Variants in CSNK1A1 observed in about 807,000 individuals in gnomAD.
CSNK1A1 encodes casein kinase 1 alpha 1, also known as casein kinase I isoform alpha.
A neutral mutation model predicts 46.1 loss-of-function variants in CSNK1A1; 7 were observed. The observed-to-expected ratio is 0.15, with a 90% CI of 0.09 to 0.29. The LOEUF is 0.29. Ranked by LOEUF, CSNK1A1 falls within the 10% of genes least tolerant of loss-of-function variation. The probability of loss-of-function intolerance (pLI) is 1.00; values close to 1 mark genes in which losing one functional copy is unlikely to be tolerated. For synonymous variants in CSNK1A1, 137 were observed against 141.5 expected (o/e 0.97, Z 0.23); for missense variants, 96 against 417.1 (o/e 0.23, Z 6.71).
Position 149,550,403 on chromosome 5 carries a change from G to A in CSNK1A1, c.124-222C>T. 7.6e-7 allele frequency: 1 copy of A among 1,308,456 alleles called. No homozygotes were observed. The highest frequency in any genetic ancestry group is 2.0e-5 in the South Asian group (1 of 51,082). The allele number at this position is 1,308,456 out of a possible 1,614,324, so 81.1% of individuals were successfully genotyped here. A position where few individuals can be genotyped will look rare whatever the true frequency, so the allele number is the denominator to read the frequency against. ...TACGTCCTCTAAAGTGCAGGAAAAT[G>A]ATTCATCCAGAAAAAAGAGGCAACC... On this transcript the variant is annotated intron_variant, in intron 1 of 9. Transcript: ENST00000377843. This position sits in a 1 kb window ranked among gnomAD's most constrained non-coding sequence, Gnocchi z 4.3.
At chr5:149,547,864 T>TG (rs1280669846) in intron 2 of CSNK1A1, among the ~76,000 whole-genome samples, 3 of 152,024 alleles carry the variant, frequency 2.0e-5, no homozygotes, top group African/African-American at 7.2e-5. Flanking sequence ...TGTTTTTTTT[T>TG]TTGTTGTGTT....
At chr5:149,512,664 G>T (rs1434718124) in intron 5 of CSNK1A1, among the ~76,000 whole-genome samples, 2 of 152,110 alleles carry the variant, frequency 1.3e-5, no homozygotes, top group African/African-American at 4.8e-5. Context: ...CCCACTTTTG[G>T]TTTATTAGGA....
At chr5:149,514,767 C>T (rs1761347304) in intron 4 of CSNK1A1, among the ~76,000 whole-genome samples, 1 of 152,182 alleles carries the variant, frequency 6.6e-6, no homozygotes, top group Non-Finnish European at 1.5e-5. Context: ...ATACTTTGGA[C>T]AGTAAAGACA....
In CSNK1A1 at chr5:149,550,956, A is replaced by G; in HGVS notation, c.9T>C (p.Ser3=). The change falls in exon 1 of 10, where the codon AGT becomes AGC. Residue 3 remains serine (S), a synonymous_variant. Coordinates refer to ENST00000377843, the MANE Select transcript of CSNK1A1 (RefSeq NM_001892.6). The surrounding 1 kb of genome is among the most constrained non-coding windows in gnomAD (Gnocchi z 4.3). MA[S]SSGSKAEFIV... The stretch of plus-strand genomic sequence containing the variant: ...TGAATTCAGCCTTGGAGCCGCTGCT[A>G]CTCGCCATCCTGAGAGACGAAGATG... 1 of 1,613,964 alleles carries G rather than the reference A, an allele frequency of 6.2e-7. No individual in the cohort carries two copies. Among genetic ancestry groups the G allele is most frequent in the Non-Finnish European group, 8.5e-7 (1 of 1,179,968 alleles).
At chr5:149,509,025 TCAAGCATC>T (rs1189764228) in intron 7 of CSNK1A1, among the ~76,000 whole-genome samples, 1 of 152,280 alleles carries the variant, frequency 6.6e-6, no homozygotes, top group East Asian at 1.9e-4. Flanking sequence ...CCTCCTGGGC[TCAAGCATC>T]CTGCCCCAGC....
chr5:149,529,762 G>C, intron 2 of CSNK1A1: 1 of 456,106 alleles, frequency 2.2e-6, no homozygotes, highest in South Asian at 1.5e-5. Flanking sequence ...TTGTGGCTGA[G>C]ACATAATTAA....
intron 2 of CSNK1A1, among the ~76,000 whole-genome samples, chr5:149,528,676 C>T (rs138344697): frequency 1.5e-3 from 229 of 152,326 alleles, no homozygotes; most frequent in African/African-American, 4.9e-3. Context: ...TCACCTATCC[C>T]ACATTGGTCT....
At chr5:149,549,365 A>AT in intron 2 of CSNK1A1, 1 of 667,550 alleles carries the variant, frequency 1.5e-6, no homozygotes, top group Non-Finnish European at 2.8e-6. Flanking sequence ...ACTACGAAGG[A>AT]TTTTACATAG....
chr5:149,502,782 T>G (rs1377056732), intron 9 of CSNK1A1: 2 of 983,106 alleles, frequency 2.0e-6, no homozygotes, highest in African/African-American at 3.5e-5. Flanking sequence ...TTTTTTTTTT[T>G]TTTTGAGACA....
In CSNK1A1 at chr5:149,550,443, G is replaced by T; in HGVS notation, c.124-262C>A. 1.9e-6 allele frequency: 2 copies of T among 1,039,244 alleles called. No individual in the cohort carries two copies. Among genetic ancestry groups the T allele is most frequent in the East Asian group, 7.0e-5 (2 of 28,720 alleles). 64.4% of individuals were successfully genotyped at this position (1,039,244 alleles called of 1,614,324 possible). A position where few individuals can be genotyped will look rare whatever the true frequency, so the allele number is the denominator to read the frequency against. ...AAGAGGCAACCTCTGAACGTAGTGA[G>T]AGGTTTTTAAGGAACTAGGCGATCG... On this transcript the variant is annotated intron_variant, in intron 1 of 9. Coordinates refer to ENST00000377843, the MANE Select transcript of CSNK1A1 (RefSeq NM_001892.6). This position sits in a 1 kb window ranked among gnomAD's most constrained non-coding sequence, Gnocchi z 4.3.
chr5:149,498,053 C>T lies in CSNK1A1; in HGVS notation c.1007-1193G>A, dbSNP rs150601176. 163 of 900,238 alleles carry T rather than the reference C, an allele frequency of 1.8e-4. 1 individual carries two copies. In the East Asian group the frequency reaches 0.012, roughly 68 times the overall value. 55.8% of individuals were successfully genotyped at this position (900,238 alleles called of 1,614,324 possible). A position where few individuals can be genotyped will look rare whatever the true frequency, so the allele number is the denominator to read the frequency against. On this transcript the variant is annotated intron_variant, in intron 9 of 9. Transcript: ENST00000377843. ...TTCACTGTGTTGGCCAGGCTGGTCTCAAACTCCTGACCTCGTGATCCACCC... is the reference window on the plus strand; with the variant it reads ...TTCACTGTGTTGGCCAGGCTGGTCTTAAACTCCTGACCTCGTGATCCACCC...
At chr5:149,503,221 G>C in intron 9 of CSNK1A1, 1 of 985,394 alleles carries the variant, frequency 1.0e-6, no homozygotes, top group Non-Finnish European at 1.2e-6. Context: ...TAACTTGCTG[G>C]GCTGGGGGTA....
At position 149,525,035 on chromosome 5, in the gene CSNK1A1, T is replaced by C; in HGVS notation, c.357+10A>G. On this transcript the variant is annotated intron_variant, in intron 3 of 9. Transcript: ENST00000377843. This position sits in a 1 kb window ranked among gnomAD's most constrained non-coding sequence, Gnocchi z 4.2. Reference sequence around the variant, plus strand: ...GTCTCAGTTTATATTCTAATCAAAATTTCACATACCTGGTCAGCTAACATA... The same window carrying C: ...GTCTCAGTTTATATTCTAATCAAAACTTCACATACCTGGTCAGCTAACATA... 6.2e-7 allele frequency: 1 copy of C among 1,602,758 alleles called. No homozygotes were observed. Among genetic ancestry groups the C allele is most frequent in the Non-Finnish European group, 8.5e-7 (1 of 1,175,790 alleles).
chr5:149,510,409 A>G (rs1349021645), intron 6 of CSNK1A1, among the ~76,000 whole-genome samples: 1 of 151,934 alleles, frequency 6.6e-6, no homozygotes, highest in African/African-American at 2.4e-5. Flanking sequence ...AGCTGGGACT[A>G]CAGGTGTGCA....
intron 3 of CSNK1A1, among the ~76,000 whole-genome samples, chr5:149,523,297 C>T (rs1272437359): frequency 6.6e-6 from 1 of 152,112 alleles, no homozygotes; most frequent in African/African-American, 2.4e-5. Context: ...GCCTTGGCCT[C>T]TCAAAAGTGC....
intron 9 of CSNK1A1, 146 bp from the exon 10 acceptor site, chr5:149,497,006 C>G: frequency 2.8e-6 from 4 of 1,433,738 alleles, no homozygotes; most frequent in Non-Finnish European, 3.6e-6. Context: ...ATTAGCTCAA[C>G]TTTTTAAAAC....
At chr5:149,502,539 G>GGGT (rs1760903019) in intron 9 of CSNK1A1, 1 of 157,086 alleles carries the variant, frequency 6.4e-6, no homozygotes, top group African/African-American at 3.5e-5. Flanking sequence ...GGGGGTTGGG[G>GGGT]ACGATGTTGG....
At chr5:149,544,737 T>TATATATATATATATATATATATATATA (rs1554118044) in intron 2 of CSNK1A1, among the ~76,000 whole-genome samples, 8 of 80,808 alleles carry the variant, frequency 9.9e-5, no homozygotes, top group African/African-American at 3.9e-4. Flanking sequence ...GTAAAGAGCT[T>TATATATATATATATATATATATATATA]TATATATATA....
chr5:149,524,223 G>A (rs979893096), intron 3 of CSNK1A1, among the ~76,000 whole-genome samples: 4 of 151,988 alleles, frequency 2.6e-5, no homozygotes, highest in Admixed American at 6.6e-5. Context: ...GGACTAGAGA[G>A]CTGTCACAAA....
Sources: allele counts gnomAD v4.1 joint callset (sites outside exome capture counted in the v4.1 genomes callset), GRCh38; gene constraint gnomAD v4.1.1; non-coding constraint Gnocchi (gnomAD v3.1); transcripts MANE v1.5; gene names NCBI Gene and HGNC (gene_info 2026-07-23, HGNC 2026-07-21).